HS6ST1: variants seen among roughly 807,000 people sequenced by gnomAD.
HS6ST1 encodes heparan sulfate 6-O-sulfotransferase 1.
Under a neutral mutation model 25.2 loss-of-function variants are expected in HS6ST1, and 3 were observed. That is an observed-to-expected ratio of 0.12 (90% CI 0.05 to 0.31). The LOEUF (loss-of-function observed/expected upper bound fraction) is 0.31, where lower values mean the gene tolerates loss of function less well. Ranked by LOEUF, HS6ST1 falls within the 10% of genes least tolerant of loss-of-function variation. HS6ST1 has a pLI of 1.00. For missense variants in HS6ST1, 310 were observed against 609.6 expected (o/e 0.51, Z 5.18); for synonymous variants, 204 against 275.1 (o/e 0.74, Z 2.56).
At chr2:128,297,270 T>C (rs1243724219) in intron 1 of HS6ST1, among the ~76,000 whole-genome samples, 1 of 152,132 alleles carries the variant, frequency 6.6e-6, no homozygotes, top group East Asian at 1.9e-4. Context: ...GACCATTCAA[T>C]GGGGAAAACA....
chr2:128,318,585 G>A lies in HS6ST1; in HGVS notation c.-22C>T, dbSNP rs1234857691. ...GCATGTGTCACCATCGCCGGGGCCC[G>A]GGCGCGGGGCGCGGGGCCTGGGAGG... On this transcript the variant is annotated 5_prime_UTR_variant, in exon 1 of 2. Transcript: ENST00000259241. This position sits in a 1 kb window ranked among gnomAD's most constrained non-coding sequence, Gnocchi z 5.7. 1.1e-5 allele frequency: 15 copies of A among 1,308,278 alleles called. No homozygotes were observed. Among genetic ancestry groups the A allele is most frequent in the African/African-American group, 1.6e-5 (1 of 62,996 alleles). The allele number at this position is 1,308,278 out of a possible 1,614,324, so 81.0% of individuals were successfully genotyped here. A position where few individuals can be genotyped will look rare whatever the true frequency, so the allele number is the denominator to read the frequency against.
At position 128,318,588 on chromosome 2, in the gene HS6ST1, C is replaced by A. The variant is rs1694412802; in HGVS notation, c.-25G>T. Reference sequence around the variant, plus strand: ...TGTGTCACCATCGCCGGGGCCCGGGCGCGGGGCGCGGGGCCTGGGAGGGCA... The same window carrying A: ...TGTGTCACCATCGCCGGGGCCCGGGAGCGGGGCGCGGGGCCTGGGAGGGCA... On this transcript the variant is annotated 5_prime_UTR_variant, in exon 1 of 2. Coordinates refer to ENST00000259241, the MANE Select transcript of HS6ST1 (RefSeq NM_004807.3). The surrounding 1 kb of genome is among the most constrained non-coding windows in gnomAD (Gnocchi z 5.7). 3.0e-6 allele frequency: 4 copies of A among 1,312,612 alleles called. No individual in the cohort carries two copies. The highest frequency in any genetic ancestry group is 1.7e-5 in the South Asian group (1 of 57,834). The allele number at this position is 1,312,612 out of a possible 1,614,324, so 81.3% of individuals were successfully genotyped here.
At position 128,279,217 on chromosome 2, in the gene HS6ST1, A is replaced by T. The variant is rs543838634; in HGVS notation, c.528-10347T>A. Among the ~76,000 whole-genome samples the T allele has an allele frequency of 7.2e-5, 11 of 152,268 alleles. No individual in the cohort carries two copies. In the South Asian group the frequency reaches 2.1e-3, roughly 29 times the overall value. ...CCATGAAACAAGGGTCTAACCCACA[A>T]GTTTCTAAACTCAGACCCTGAAACA... On this transcript the variant is annotated intron_variant, in intron 1 of 1. Coordinates refer to ENST00000259241, the MANE Select transcript of HS6ST1 (RefSeq NM_004807.3).
chr2:128,290,714 G>A (rs1345030327), intron 1 of HS6ST1, among the ~76,000 whole-genome samples: 2 of 145,964 alleles, frequency 1.4e-5, no homozygotes, highest in Admixed American at 7.1e-5. Context: ...GCTCACACTT[G>A]TAATCCCAGC....
At chr2:128,304,483 C>G (rs139113456) in intron 1 of HS6ST1, among the ~76,000 whole-genome samples, 100 of 133,398 alleles carry the variant, frequency 7.5e-4, no homozygotes, top group Non-Finnish European at 1.2e-3. Context: ...GAGGACGAAA[C>G]AAGTACCTGT....
chr2:128,318,815 CT>C lies in HS6ST1; in HGVS notation c.-253del, dbSNP rs1424119388. Among the ~76,000 whole-genome samples, 3 of 147,508 alleles carry C rather than the reference CT, an allele frequency of 2.0e-5. No homozygotes were observed. Among genetic ancestry groups the C allele is most frequent in the African/African-American group, 7.3e-5 (3 of 40,936 alleles). On this transcript the variant is annotated 5_prime_UTR_variant, in exon 1 of 2. Coordinates refer to ENST00000259241, the MANE Select transcript of HS6ST1 (RefSeq NM_004807.3). The surrounding 1 kb of genome is among the most constrained non-coding windows in gnomAD (Gnocchi z 5.7). ...TCCCGGCCCCGGCCAGCACAGCGCT[CT>C]CCGCGCCCCCAGCACCAGCCCGCTC...
At position 128,318,338 on chromosome 2, in the gene HS6ST1, C is replaced by G. The variant is rs1011771664; in HGVS notation, c.226G>C (p.Glu76Gln). The G allele has an allele frequency of 1.9e-6, 3 of 1,612,044 alleles. No homozygotes were observed. The highest frequency in any genetic ancestry group is 1.7e-5 in the Admixed American group (1 of 60,006). Residue 76 changes from glutamate (E) to glutamine (Q), a missense_variant, in exon 1 of 2, where the codon GAG becomes CAG. Glu to Gln is a conservative substitution (Grantham distance 29). Transcript: ENST00000259241. This position sits in a 1 kb window ranked among gnomAD's most constrained non-coding sequence, Gnocchi z 5.7. ...KKYYFPVRELERSLRFDMKGD... is the reference protein window; with the variant it reads ...KKYYFPVRELQRSLRFDMKGD... ...TTCATGTCGAAGCGCAGCGAGCGCT[C>G]CAGCTCGCGGACCGGGAAGTAGTAC... is the stretch of plus-strand genomic sequence containing the variant.
At chr2:128,271,788 C>T (rs1001019190) in intron 1 of HS6ST1, among the ~76,000 whole-genome samples, 30 of 152,210 alleles carry the variant, frequency 2.0e-4, no homozygotes, top group African/African-American at 7.2e-4. Flanking sequence ...CCGATTGACC[C>T]GAGGGCTTTC....
chr2:128,309,693 A>C (rs1254470207), intron 1 of HS6ST1, among the ~76,000 whole-genome samples: 1 of 152,222 alleles, frequency 6.6e-6, no homozygotes, highest in African/African-American at 2.4e-5. Context: ...CTCTGTGTAA[A>C]TAATCCTAGG....
intron 1 of HS6ST1, among the ~76,000 whole-genome samples, chr2:128,312,036 G>A (rs559540869): frequency 9.4e-4 from 143 of 152,352 alleles, no homozygotes; most frequent in Non-Finnish European, 1.3e-3. Flanking sequence ...TCTGCTCTGA[G>A]TGAAGGCTGC....
chr2:128,298,922 C>T (rs1047862621), intron 1 of HS6ST1, among the ~76,000 whole-genome samples: 4 of 152,246 alleles, frequency 2.6e-5, no homozygotes, highest in Admixed American at 6.5e-5. Context: ...CGTCCCTGGG[C>T]GCGGCCACCC....
intron 1 of HS6ST1, among the ~76,000 whole-genome samples, chr2:128,317,804 C>T (rs1338100803): frequency 6.6e-6 from 1 of 152,204 alleles, no homozygotes; most frequent in Non-Finnish European, 1.5e-5. Flanking sequence ...TAGGGCAGCA[C>T]AAGGCAAGGA....
At chr2:128,282,434 C>T (rs1468205549) in intron 1 of HS6ST1, among the ~76,000 whole-genome samples, 1 of 152,194 alleles carries the variant, frequency 6.6e-6, no homozygotes, top group Non-Finnish European at 1.5e-5. Context: ...TGGTCCCTCA[C>T]AGCCCTACCC....
rs193157839 is a variant in HS6ST1, at chr2:128,299,087, A to G, written c.527+18950T>C. Among the ~76,000 whole-genome samples the G allele has an allele frequency of 7.9e-5, 12 of 152,362 alleles. No homozygotes were observed. In the East Asian group the frequency reaches 2.1e-3, roughly 27 times the overall value. ...TCAGATGGGGCAGAAACACACCTGG[A>G]CGTGGCCCAGGGCCGAGGTGTGACC... is the stretch of plus-strand genomic sequence containing the variant. On this transcript the variant is annotated intron_variant, in intron 1 of 1. Coordinates refer to ENST00000259241, the MANE Select transcript of HS6ST1 (RefSeq NM_004807.3).
rs1392669434 is a variant in HS6ST1, at chr2:128,266,360, C to G, written c.*1802G>C. ...CACACCACTAAATCCCCTTGGCACT[C>G]ACTTCCTTAGTGTGATGCATCCACC... On this transcript the variant is annotated 3_prime_UTR_variant, in exon 2 of 2. Transcript: ENST00000259241. 2.6e-5 allele frequency: 4 copies of G among 152,420 alleles called. No individual in the cohort carries two copies. The highest frequency in any genetic ancestry group is 2.0e-4 in the Admixed American group (3 of 15,298). 9.4% of individuals were successfully genotyped at this position (152,420 alleles called of 1,614,324 possible). A position where few individuals can be genotyped will look rare whatever the true frequency, so the allele number is the denominator to read the frequency against.
chr2:128,295,658 A>C lies in HS6ST1; in HGVS notation c.527+22379T>G, dbSNP rs148471030. Among the ~76,000 whole-genome samples the C allele has an allele frequency of 1.9e-3, 288 of 152,350 alleles. 1 individual carries two copies. The highest frequency in any genetic ancestry group is 6.3e-3 in the African/African-American group (262 of 41,572). On this transcript the variant is annotated intron_variant, in intron 1 of 1. Coordinates refer to ENST00000259241, the MANE Select transcript of HS6ST1 (RefSeq NM_004807.3). ...CAAATTGAATTGAACAGCATATAAA[A>C]ATGATTATGTATCATGACCAAGTGA...
intron 1 of HS6ST1, among the ~76,000 whole-genome samples, chr2:128,280,410 C>G (rs1037660627): frequency 3.9e-5 from 6 of 152,174 alleles, no homozygotes; most frequent in Admixed American, 3.9e-4. Flanking sequence ...GGGAGACAGC[C>G]CAGAGGAGAC....
In HS6ST1 at chr2:128,268,594, G is replaced by A. The variant is rs1439415389; in HGVS notation, c.804C>T (p.Ile268=). The change falls in exon 2 of 2, where the codon ATC becomes ATT. Residue 268 remains isoleucine (I), a synonymous_variant. Coordinates refer to ENST00000259241, the MANE Select transcript of HS6ST1 (RefSeq NM_004807.3). ...SLVGCYNLSF[I]PEGKRAQLLL... ...GCAGCTGGGCCCGCTTGCCCTCGGG[G>A]ATGAAGGACAGGTTGTAGCAGCCCA... is the stretch of plus-strand genomic sequence containing the variant. 6.2e-7 allele frequency: 1 copy of A among 1,606,152 alleles called. No individual in the cohort carries two copies.
intron 1 of HS6ST1, among the ~76,000 whole-genome samples, chr2:128,283,669 G>A (rs894500516): frequency 7.9e-5 from 12 of 152,106 alleles, no homozygotes; most frequent in Non-Finnish European, 1.5e-4. Context: ...CCTCCCCCTC[G>A]CTCCTCCCTC....
Sources: gnomAD v4.1 joint callset for allele counts (sites outside exome capture counted in the v4.1 genomes callset) on GRCh38, gnomAD v4.1.1 for gene constraint, Gnocchi (gnomAD v3.1) non-coding constraint, MANE v1.5 for transcripts, NCBI Gene and HGNC (gene_info 2026-07-23, HGNC 2026-07-21) for gene names.